The following SYNE2 variants were observed in gnomAD, a reference collection of about 807,000 sequenced individuals.
SYNE2 encodes nesprin-2.
Under a neutral mutation model 856.3 loss-of-function variants are expected in SYNE2, and 431 were observed. The observed-to-expected ratio is 0.50, with a 90% confidence interval of 0.47 to 0.55. The LOEUF is 0.55. Among genes scored for constraint, SYNE2 ranks in the 20% least tolerant of loss-of-function variants. SYNE2 has a pLI of 0.00. For synonymous variants in SYNE2, 2,923 were observed against 2,872.3 expected, an observed-to-expected ratio of 1.02 and a Z score of -0.56; for missense variants, 8,129 against 8,023.2, an observed-to-expected ratio of 1.01 and a Z score of -0.50.
intron 1 of SYNE2, among the ~76,000 whole-genome samples, chr14:63,837,900 CAAAGTGAGACTCTGTTTCAAAAAAAAAAA>C (rs1889910756): frequency 1.2e-5 from 1 of 80,338 alleles, no homozygotes; most frequent in African/African-American, 4.9e-5. Context: ...GGCTGGATGA[CAAAGTGAGACTCTGTTTCAAAAAAAAAAA>C]AAAAAAAAAA....
At chr14:63,895,109 CTT>C (rs112926329) in intron 1 of SYNE2, among the ~76,000 whole-genome samples, 78,660 of 141,980 alleles carry the variant, frequency 0.55, 22,016 homozygotes, top group South Asian at 0.69. Flanking sequence ...ATTTTCTTTT[CTT>C]TTTTTTTTTT....
In SYNE2 at chr14:64,056,178, C is replaced by T; in HGVS notation, c.9979C>T (p.Leu3327=). 1 of 1,614,156 alleles carries T rather than the reference C, an allele frequency of 6.2e-7. No individual in the cohort carries two copies. The highest frequency in any genetic ancestry group is 8.5e-7 in the Non-Finnish European group (1 of 1,180,020). The change falls in exon 49 of 116, where the codon CTA becomes TTA. Residue 3327 remains leucine (L), a synonymous_variant. Transcript: ENST00000555002. ...AATGATATCCAGCCCCGAAGCCAAA[C>T]TACAACTTCAGTATACTTTACAGGA... ...LGMISSPEAK[L]QLQYTLQELV... is the part of the protein sequence containing the mutation.
intron 1 of SYNE2, among the ~76,000 whole-genome samples, chr14:63,854,090 G>C (rs1256589198): frequency 6.6e-6 from 1 of 151,974 alleles, no homozygotes; most frequent in African/African-American, 2.4e-5. Flanking sequence ...CCGCAGGCAC[G>C]GTTGTGTACA....
chr14:64,027,573 A>G lies in SYNE2; in HGVS notation c.6494A>G (p.Gln2165Arg). The change falls in exon 43 of 116, where the codon CAG becomes CGG. Residue 2165 changes from glutamine (Q) to arginine (R), a missense_variant. Physicochemically the swap from Gln to Arg is conservative, Grantham distance 43 (BLOSUM62 1). Coordinates refer to ENST00000555002, the MANE Select transcript of SYNE2 (RefSeq NM_182914.3). ...ATGCTCATAGAACTAAAGAAGAAAC[A>G]GGAAGCAGGCTTTGCTCTACAACAT... Reference protein sequence around the residue: ...RLMLIELKKKQEAGFALQHGL... With the variant: ...RLMLIELKKKREAGFALQHGL... 1 of 1,613,402 alleles carries G rather than the reference A, an allele frequency of 6.2e-7. No homozygotes were observed. Among genetic ancestry groups the G allele is most frequent in the Non-Finnish European group, 8.5e-7 (1 of 1,179,500 alleles).
rs199853298 is a variant in SYNE2 at position 64,053,544 on chromosome 14, G to A, written c.9631G>A (p.Ala3211Thr). Residue 3211 changes from alanine (A) to threonine (T), a missense_variant, in exon 48 of 116, where the codon GCT becomes ACT. Ala to Thr is a moderately conservative substitution (Grantham distance 58, BLOSUM62 0). Coordinates refer to ENST00000555002, the MANE Select transcript of SYNE2 (RefSeq NM_182914.3). ...AATGTGTAGTATTAAAGCTGTGACT[G>A]CTATTGAGAAACAAAGAGAAGAAAA... ...AEMCSIKAVT[A>T]IEKQREENSS... The A allele has an allele frequency of 1.2e-6, 2 of 1,614,230 alleles. No homozygotes were observed. Among genetic ancestry groups the A allele is most frequent in the South Asian group, 2.2e-5 (2 of 91,084 alleles).
intron 87 of SYNE2, 97 bp downstream of exon 87, chr14:64,159,539 C>A: frequency 1.5e-6 from 2 of 1,375,582 alleles, no homozygotes; most frequent in Non-Finnish European, 2.0e-6. Context: ...TCTTCCTCCT[C>A]TGAGATGACT....
chr14:64,014,496 G>A (rs193137076), intron 32 of SYNE2, among the ~76,000 whole-genome samples: 141 of 152,030 alleles, frequency 9.3e-4, no homozygotes, highest in Middle Eastern at 3.4e-3. Context: ...GCACGATCTC[G>A]GCTCACTGCA....
chr14:64,151,274 A>C (rs1247726460), intron 84 of SYNE2, among the ~76,000 whole-genome samples: 1 of 151,912 alleles, frequency 6.6e-6, no homozygotes, highest in African/African-American at 2.4e-5. Context: ...GTTTTGCGGG[A>C]CTGGATTTCA....
At chr14:64,075,845 C>A in intron 53 of SYNE2, 100 bp from the exon 54 acceptor site, 2 of 1,343,226 alleles carry the variant, frequency 1.5e-6, no homozygotes, top group Non-Finnish European at 2.1e-6. Context: ...AAACTGCACT[C>A]CTTTAAATCA....
At chr14:64,078,002 T>G (rs1246955210) in intron 54 of SYNE2, among the ~76,000 whole-genome samples, 4 of 152,164 alleles carry the variant, frequency 2.6e-5, no homozygotes, top group African/African-American at 7.2e-5. Flanking sequence ...TGGAATTACA[T>G]TTTTTTAAAA....
intron 1 of SYNE2, among the ~76,000 whole-genome samples, chr14:63,904,582 A>G (rs1262478043): frequency 6.6e-6 from 1 of 151,744 alleles, no homozygotes; most frequent in Non-Finnish European, 1.5e-5. Flanking sequence ...GATGATAAGC[A>G]TTTTTTCATG....
At chr14:64,043,871 C>T (rs993362405) in intron 45 of SYNE2, among the ~76,000 whole-genome samples, 1 of 152,202 alleles carries the variant, frequency 6.6e-6, no homozygotes, top group African/African-American at 2.4e-5. Flanking sequence ...TACTGGGGCA[C>T]CACCTAGTGG....
chr14:64,211,656 T>G (rs2098641824), intron 103 of SYNE2, among the ~76,000 whole-genome samples: 1 of 152,124 alleles, frequency 6.6e-6, no homozygotes, highest in Non-Finnish European at 1.5e-5. Context: ...ACTAGAGAAT[T>G]TTAGAATTTC....
At chr14:64,135,912 G>T (rs912560332) in intron 78 of SYNE2, among the ~76,000 whole-genome samples, 2 of 152,152 alleles carry the variant, frequency 1.3e-5, no homozygotes, top group African/African-American at 2.4e-5. Context: ...GGAGTCAGTT[G>T]TCTGGCCTTT....
At chr14:63,924,538 C>A (rs1566812391) in intron 2 of SYNE2, among the ~76,000 whole-genome samples, 1 of 152,106 alleles carries the variant, frequency 6.6e-6, no homozygotes, top group Non-Finnish European at 1.5e-5. Flanking sequence ...TTTCTTTCAA[C>A]AATGTTTTGT....
intron 45 of SYNE2, among the ~76,000 whole-genome samples, chr14:64,032,566 TTTGTTGTTG>T (rs57794503): frequency 6.7e-6 from 1 of 149,748 alleles, no homozygotes; most frequent in Non-Finnish European, 1.5e-5. Flanking sequence ...TATCTCTAAT[TTTGTTGTTG>T]TTGTTGTTGT....
rs528568243 is a variant in SYNE2, at chr14:63,912,346, A to AG, written c.79+3120dup. Reference sequence around the variant, plus strand: ...TCATAGCAGGATTATTAGCTATTTGAGAAAAAAAAAAGATGGACAATATTA... The same window carrying AG: ...TCATAGCAGGATTATTAGCTATTTGAGGAAAAAAAAAAGATGGACAATATTA... On this transcript the variant is annotated intron_variant, in intron 2 of 115. Coordinates refer to ENST00000555002, the MANE Select transcript of SYNE2 (RefSeq NM_182914.3). Among the ~76,000 whole-genome samples the AG allele has an allele frequency of 1.3e-3, 203 of 152,156 alleles. 1 individual carries two copies. Among genetic ancestry groups the AG allele is most frequent in the African/African-American group, 4.7e-3 (194 of 41,512 alleles).
At chr14:64,213,238 C>T (rs575167714) in intron 105 of SYNE2, among the ~76,000 whole-genome samples, 2 of 152,238 alleles carry the variant, frequency 1.3e-5, no homozygotes, top group Admixed American at 6.5e-5. Flanking sequence ...GAGGCGCATG[C>T]TCCACGAGTC....
intron 1 of SYNE2, among the ~76,000 whole-genome samples, chr14:63,793,025 C>T (rs1435327188): frequency 6.6e-6 from 1 of 152,040 alleles, no homozygotes; most frequent in Admixed American, 6.6e-5. Flanking sequence ...TATTATCATA[C>T]TTTTTTTAAA....
Sources: gnomAD v4.1 joint callset for allele counts (sites outside exome capture counted in the v4.1 genomes callset) on GRCh38, gnomAD v4.1.1 for gene constraint, MANE v1.5 for transcripts, NCBI Gene and HGNC (gene_info 2026-07-23, HGNC 2026-07-21) for gene names.